RBFOX1: variants seen among roughly 807,000 people sequenced by gnomAD.
The protein encoded by RBFOX1 is RNA binding fox-1 homolog 1, also known as RNA binding protein fox-1 homolog 1.
A neutral mutation model predicts 57.7 loss-of-function variants in RBFOX1; 8 were observed. The observed-to-expected ratio is 0.14, with a 90% CI of 0.08 to 0.25. RBFOX1 has a LOEUF of 0.25. RBFOX1 is among the 10% of genes least tolerant of loss of function. The pLI is 1.00. For synonymous variants in RBFOX1, 326 were observed against 222.4 expected (o/e 1.47, Z -4.15); for missense variants, 611 against 548.5 (o/e 1.11, Z -1.14).
At chr16:5,622,206 A>G (rs777616681) in intron 3 of RBFOX1, among the ~76,000 whole-genome samples, 2 of 152,216 alleles carry the variant, frequency 1.3e-5, no homozygotes, top group Non-Finnish European at 2.9e-5. Context: ...AGTTATCAAA[A>G]ACAGTGTTTT....
intron 2 of RBFOX1, among the ~76,000 whole-genome samples, chr16:5,487,037 C>T (rs890125995): frequency 9.2e-5 from 14 of 152,218 alleles, no homozygotes; most frequent in Middle Eastern, 6.8e-3. Context: ...TTAACTTCTC[C>T]CTGTTTCATC....
chr16:5,314,175 C>T (rs2064167523), intron 1 of RBFOX1, among the ~76,000 whole-genome samples: 2 of 152,340 alleles, frequency 1.3e-5, no homozygotes, highest in Middle Eastern at 3.4e-3. Context: ...AAATAAGTCA[C>T]TTGGCCCAGG....
intron 2 of RBFOX1, among the ~76,000 whole-genome samples, chr16:6,330,345 C>T (rs958361620): frequency 1.3e-5 from 2 of 152,196 alleles, no homozygotes; most frequent in Admixed American, 1.3e-4. Flanking sequence ...AGGTTTCACA[C>T]CTGCACAAAG....
At chr16:6,700,765 C>A (rs1352697371) in intron 3 of RBFOX1, among the ~76,000 whole-genome samples, 2 of 152,158 alleles carry the variant, frequency 1.3e-5, no homozygotes, top group Non-Finnish European at 2.9e-5. Flanking sequence ...TTCATTACTA[C>A]ATTTACCATG....
At chr16:7,366,510 C>G (rs569548240) in intron 4 of RBFOX1, among the ~76,000 whole-genome samples, 7 of 152,312 alleles carry the variant, frequency 4.6e-5, no homozygotes, top group East Asian at 1.9e-4. Context: ...TGTTGAGGCA[C>G]AGCCTGAGAT....
intron 1 of RBFOX1, among the ~76,000 whole-genome samples, chr16:6,234,719 C>A (rs1007232830): frequency 2.6e-5 from 4 of 152,004 alleles, no homozygotes; most frequent in African/African-American, 9.7e-5. Context: ...AACAAAGGGG[C>A]CTTTTCATGG....
intron 1 of RBFOX1, among the ~76,000 whole-genome samples, chr16:5,396,739 T>G (rs2066569888): frequency 6.6e-6 from 1 of 152,232 alleles, no homozygotes. Flanking sequence ...TGGCTTAACC[T>G]AGAAAGATCG....
At chr16:7,700,709 G>T (rs971508286) in intron 14 of RBFOX1, among the ~76,000 whole-genome samples, 1 of 152,198 alleles carries the variant, frequency 6.6e-6, no homozygotes, top group Admixed American at 6.5e-5. Flanking sequence ...GGTATTCTAG[G>T]GCAGGAGAAT....
chr16:7,124,513 TCCCC>T (rs2067954829), intron 4 of RBFOX1, among the ~76,000 whole-genome samples: 2 of 23,582 alleles, frequency 8.5e-5, no homozygotes, highest in African/African-American at 1.5e-4. Flanking sequence ...CCCCCTCCCC[TCCCC>T]TCCCCTCCCC....
At chr16:6,524,643 C>T (rs952143949) in intron 2 of RBFOX1, among the ~76,000 whole-genome samples, 1 of 152,152 alleles carries the variant, frequency 6.6e-6, no homozygotes, top group Non-Finnish European at 1.5e-5. Flanking sequence ...GTAGCACAGA[C>T]TTCTCTCACA....
chr16:7,210,285 C>T (rs1284677790), intron 4 of RBFOX1, among the ~76,000 whole-genome samples: 1 of 152,100 alleles, frequency 6.6e-6, no homozygotes, highest in Admixed American at 6.5e-5. Context: ...TTCAGAAATC[C>T]ATGGGCCAGG....
intron 3 of RBFOX1, among the ~76,000 whole-genome samples, chr16:6,687,058 G>T (rs1165741123): frequency 2.0e-5 from 3 of 152,168 alleles, no homozygotes; most frequent in South Asian, 4.1e-4. Flanking sequence ...TTAAAAACAG[G>T]AACAGCAGGT....
intron 3 of RBFOX1, among the ~76,000 whole-genome samples, chr16:5,665,137 G>T (rs995760047): frequency 7.0e-6 from 1 of 142,844 alleles, no homozygotes; most frequent in Non-Finnish European, 1.6e-5. Flanking sequence ...TACATGGGGG[G>T]GGGCGGTCTT....
intron 1 of RBFOX1, among the ~76,000 whole-genome samples, chr16:6,265,090 G>A (rs2074306916): frequency 1.3e-5 from 2 of 152,046 alleles, no homozygotes; most frequent in South Asian, 4.1e-4. Flanking sequence ...TTCCCTACAA[G>A]CCATTCAACA....
At chr16:7,585,808 G>C (rs1416465744) in intron 6 of RBFOX1, among the ~76,000 whole-genome samples, 1 of 152,112 alleles carries the variant, frequency 6.6e-6, no homozygotes, top group Non-Finnish European at 1.5e-5. Flanking sequence ...GGACCCTCTT[G>C]ACATTCACTC....
intron 4 of RBFOX1, among the ~76,000 whole-genome samples, chr16:5,895,040 T>A (rs2058130730): frequency 6.6e-6 from 1 of 151,910 alleles, no homozygotes; most frequent in African/African-American, 2.4e-5. Context: ...ATAAAGAAGT[T>A]AATTTACAGA....
At chr16:5,828,034 C>T (rs918097477) in intron 3 of RBFOX1, among the ~76,000 whole-genome samples, 6 of 149,896 alleles carry the variant, frequency 4.0e-5, no homozygotes, top group South Asian at 4.2e-4. Flanking sequence ...TCTGTCCATC[C>T]ATGTATCCAT....
intron 3 of RBFOX1, among the ~76,000 whole-genome samples, chr16:6,851,418 A>T (rs145575639): frequency 8.5e-5 from 13 of 152,256 alleles, no homozygotes; most frequent in African/African-American, 2.9e-4. Context: ...GGCTCTCTGT[A>T]TATTACTTAT....
At chr16:6,664,267 C>T (rs565925944) in intron 3 of RBFOX1, among the ~76,000 whole-genome samples, 1 of 152,270 alleles carries the variant, frequency 6.6e-6, no homozygotes, top group Admixed American at 6.5e-5. Flanking sequence ...ATGCAAATTC[C>T]CTAAAACTGT....
Sources: allele counts gnomAD v4.1 joint callset (sites outside exome capture counted in the v4.1 genomes callset), GRCh38; gene constraint gnomAD v4.1.1; transcripts MANE v1.5; gene names NCBI Gene and HGNC (gene_info 2026-07-23, HGNC 2026-07-21).